The following CSMD3 variants were observed in gnomAD, a reference collection of about 807,000 sequenced individuals.
CSMD3 encodes the protein CUB and sushi domain-containing protein 3.
CSMD3 carries 177 observed loss-of-function variants against 435.2 expected under a neutral mutation model. The observed-to-expected ratio is 0.41, with a 90% CI of 0.36 to 0.46. The LOEUF (loss-of-function observed/expected upper bound fraction) is 0.46. Ranked by LOEUF, CSMD3 falls within the 20% of genes least tolerant of loss-of-function variation. The pLI is 0.34. For synonymous variants in CSMD3, 1,656 were observed against 1,520.5 expected (o/e 1.09, Z -2.07); for missense variants, 4,265 against 4,504.6 (o/e 0.95, Z 1.52).
intron 22 of CSMD3, among the ~76,000 whole-genome samples, chr8:112,628,597 AG>A (rs1473337764): frequency 6.6e-6 from 1 of 152,202 alleles, no homozygotes; most frequent in Non-Finnish European, 1.5e-5. Context: ...AATGAAAGTT[AG>A]TAAGTTGAAA....
At chr8:112,576,217 T>A (rs1829931563) in intron 23 of CSMD3, among the ~76,000 whole-genome samples, 1 of 152,038 alleles carries the variant, frequency 6.6e-6, no homozygotes, top group Non-Finnish European at 1.5e-5. Context: ...TTGAAATTTG[T>A]TTCTAATTTC....
intron 11 of CSMD3, among the ~76,000 whole-genome samples, chr8:112,846,530 G>T (rs1369655811): frequency 6.6e-6 from 1 of 151,760 alleles, no homozygotes; most frequent in African/African-American, 2.4e-5. Flanking sequence ...AGCCTCCTGA[G>T]TAACTGGGAC....
At chr8:113,027,111 T>G (rs1306052782) in intron 5 of CSMD3, among the ~76,000 whole-genome samples, 1 of 152,184 alleles carries the variant, frequency 6.6e-6, no homozygotes, top group African/African-American at 2.4e-5. Flanking sequence ...CAATAATTAC[T>G]AAATTGCTCT....
At chr8:113,253,196 G>A (rs944494386) in intron 3 of CSMD3, among the ~76,000 whole-genome samples, 2 of 151,866 alleles carry the variant, frequency 1.3e-5, no homozygotes, top group African/African-American at 2.4e-5. Flanking sequence ...GGATTGGCTG[G>A]GGACATCAGG....
intron 8 of CSMD3, among the ~76,000 whole-genome samples, chr8:112,952,064 T>TG (rs998909273): frequency 4.0e-5 from 6 of 151,574 alleles, no homozygotes; most frequent in African/African-American, 1.2e-4. Flanking sequence ...TAATTTTTTT[T>TG]AAATCTATAG....
chr8:113,276,314 T>A (rs564387490), intron 3 of CSMD3, among the ~76,000 whole-genome samples: 1 of 152,226 alleles, frequency 6.6e-6, no homozygotes, highest in Admixed American at 6.6e-5. Context: ...CTTTAAAAGC[T>A]GAGAAATTTC....
intron 32 of CSMD3, among the ~76,000 whole-genome samples, chr8:112,439,844 CA>C (rs1187961504): frequency 6.9e-6 from 1 of 144,436 alleles, no homozygotes; most frequent in African/African-American, 2.5e-5. Flanking sequence ...CCCCATGATT[CA>C]GTCACCTGCC....
chr8:112,774,681 A>T (rs1002513297), intron 13 of CSMD3, among the ~76,000 whole-genome samples: 1 of 152,010 alleles, frequency 6.6e-6, no homozygotes, highest in African/African-American at 2.4e-5. Flanking sequence ...TTTGGGCATT[A>T]GAGACAATTC....
intron 22 of CSMD3, among the ~76,000 whole-genome samples, chr8:112,633,674 C>T (rs1399235673): frequency 6.6e-6 from 1 of 151,710 alleles, no homozygotes; most frequent in Non-Finnish European, 1.5e-5. Flanking sequence ...TAAATTTTGC[C>T]AAATTCTACC....
rs1018928065 is a variant in CSMD3, at chr8:112,631,471, A to G, written c.3715+5346T>C. ...TGTGCATCAATAAATAAGGTAATAA[A>G]TGAATGTTGCTTGAAATGCCACAAC... On this transcript the variant is annotated intron_variant, in intron 22 of 70. Coordinates refer to ENST00000297405, the MANE Select transcript of CSMD3 (RefSeq NM_198123.2). 5.3e-5 allele frequency among the ~76,000 whole-genome samples: 8 copies of G among 152,192 alleles called. No homozygotes were observed. In the South Asian group the frequency reaches 1.2e-3, roughly 24 times the overall value.
intron 20 of CSMD3, among the ~76,000 whole-genome samples, chr8:112,642,821 T>G: frequency 6.6e-6 from 1 of 152,196 alleles, no homozygotes; most frequent in East Asian, 1.9e-4. Flanking sequence ...TACTACAAAC[T>G]TCTTATCAAT....
chr8:113,229,169 T>G (rs1296497754), intron 3 of CSMD3, among the ~76,000 whole-genome samples: 1 of 151,788 alleles, frequency 6.6e-6, no homozygotes, highest in African/African-American at 2.4e-5. Flanking sequence ...TGAAATTATA[T>G]TGGGCATTAT....
At chr8:113,008,080 A>T (rs1466570943) in intron 6 of CSMD3, among the ~76,000 whole-genome samples, 1 of 151,670 alleles carries the variant, frequency 6.6e-6, no homozygotes, top group Non-Finnish European at 1.5e-5. Context: ...TAGAAGTACT[A>T]AAAAGAAAAA....
At chr8:112,792,844 A>G (rs928290521) in intron 13 of CSMD3, among the ~76,000 whole-genome samples, 75 of 152,188 alleles carry the variant, frequency 4.9e-4, no homozygotes, top group African/African-American at 1.6e-3. Flanking sequence ...TCAATTGGCC[A>G]TAATATGTGG....
intron 3 of CSMD3, among the ~76,000 whole-genome samples, chr8:113,264,706 TA>T (rs2093454239): frequency 6.6e-6 from 1 of 151,696 alleles, no homozygotes. Context: ...TAATTTCGTC[TA>T]TTTTTAATTA....
intron 58 of CSMD3, among the ~76,000 whole-genome samples, chr8:112,286,106 T>C (rs1819171354): frequency 6.6e-6 from 1 of 152,178 alleles, no homozygotes; most frequent in Admixed American, 6.6e-5. Context: ...TTCTAGTAAC[T>C]AACAGTTGTA....
intron 45 of CSMD3, among the ~76,000 whole-genome samples, chr8:112,330,251 T>A (rs983497137): frequency 1.3e-5 from 2 of 152,140 alleles, no homozygotes; most frequent in Non-Finnish European, 2.9e-5. Flanking sequence ...TGAAACACAT[T>A]ACAGGCCTTT....
intron 22 of CSMD3, among the ~76,000 whole-genome samples, chr8:112,603,699 C>T (rs1433619628): frequency 6.6e-6 from 1 of 152,074 alleles, no homozygotes; most frequent in East Asian, 1.9e-4. Context: ...CATGACATAT[C>T]TAAGTTTTTC....
chr8:113,374,100 C>T (rs2133066173), intron 1 of CSMD3, among the ~76,000 whole-genome samples: 1 of 151,956 alleles, frequency 6.6e-6, no homozygotes, highest in South Asian at 2.1e-4. Context: ...GCATTTAACT[C>T]AATATCATAT....
Sources: gnomAD v4.1 joint callset for allele counts (sites outside exome capture counted in the v4.1 genomes callset) on GRCh38, gnomAD v4.1.1 for gene constraint, MANE v1.5 for transcripts, NCBI Gene and HGNC (gene_info 2026-07-23, HGNC 2026-07-21) for gene names.